MRTFA: variants seen among roughly 807,000 people sequenced by gnomAD.
MRTFA encodes the protein myocardin related transcription factor A.
A neutral mutation model predicts 83.5 loss-of-function variants in MRTFA; 20 were observed. The ratio of observed to expected loss-of-function variants is 0.24; its 90% CI spans 0.17 to 0.35. MRTFA has a LOEUF of 0.35. Ranked by LOEUF, MRTFA falls within the 10% of genes least tolerant of loss-of-function variation. The pLI is 1.00. For synonymous variants in MRTFA, 659 were observed against 541.2 expected, an observed-to-expected ratio of 1.22 and a Z score of -3.02; for missense variants, 1,200 against 1,224.7, an observed-to-expected ratio of 0.98 and a Z score of 0.30.
rs536440191 is a variant in MRTFA, at chr22:40,424,583, G to A, written c.602-202C>T. Among the ~76,000 whole-genome samples the A allele has an allele frequency of 1.4e-3, 207 of 152,350 alleles. 1 individual carries two copies. Among genetic ancestry groups the A allele is most frequent in the Admixed American group, 2.8e-3 (43 of 15,310 alleles). On this transcript the variant is annotated intron_variant, in intron 7 of 14. Coordinates refer to ENST00000355630, the MANE Select transcript of MRTFA (RefSeq NM_020831.6). ...GTCATCATAATGACCCTGCAAGAGA[G>A]GCCAGAAAGGCCTCCTAGGCTATCA... is the stretch of plus-strand genomic sequence containing the variant.
At chr22:40,469,802 G>C (rs1569283088) in intron 3 of MRTFA, among the ~76,000 whole-genome samples, 1 of 152,146 alleles carries the variant, frequency 6.6e-6, no homozygotes, top group Non-Finnish European at 1.5e-5. Flanking sequence ...AACAGGCCAG[G>C]CATGGTGGCT....
intron 1 of MRTFA, among the ~76,000 whole-genome samples, chr22:40,609,484 A>T (rs1030827166): frequency 1.0e-5 from 1 of 95,684 alleles, no homozygotes; most frequent in Admixed American, 1.1e-4. Flanking sequence ...CTCTTTAACA[A>T]AAAAAAAAAA....
intron 3 of MRTFA, among the ~76,000 whole-genome samples, chr22:40,541,759 C>T (rs1039343240): frequency 1.3e-5 from 2 of 150,072 alleles, no homozygotes; most frequent in African/African-American, 2.5e-5. Flanking sequence ...CTCCGCCTCC[C>T]GGGTTCAAGC....
chr22:40,461,687 T>A (rs2053716642), intron 4 of MRTFA, among the ~76,000 whole-genome samples: 1 of 148,872 alleles, frequency 6.7e-6, no homozygotes, highest in Non-Finnish European at 1.5e-5. Context: ...TAGTCCCAGC[T>A]ATTTGGGAGG....
intron 3 of MRTFA, among the ~76,000 whole-genome samples, chr22:40,470,913 C>A (rs1281342135): frequency 6.6e-6 from 1 of 151,922 alleles, no homozygotes. Context: ...TGTGCCACTG[C>A]ACTCCAGCCT....
At chr22:40,500,948 C>G (rs1398918589) in intron 3 of MRTFA, among the ~76,000 whole-genome samples, 1 of 145,248 alleles carries the variant, frequency 6.9e-6, no homozygotes, top group East Asian at 2.1e-4. Flanking sequence ...CAGAGGGGCT[C>G]CTCACTTCCC....
intron 2 of MRTFA, among the ~76,000 whole-genome samples, chr22:40,576,347 T>C (rs1023822909): frequency 1.3e-5 from 2 of 152,200 alleles, no homozygotes; most frequent in Non-Finnish European, 2.9e-5. Flanking sequence ...TGTAATTATT[T>C]TTAAGTTATT....
intron 2 of MRTFA, among the ~76,000 whole-genome samples, chr22:40,591,437 T>C (rs1309709026): frequency 1.3e-5 from 2 of 152,010 alleles, no homozygotes; most frequent in African/African-American, 4.8e-5. Context: ...AACTAATATA[T>C]AAAGAAGAGG....
chr22:40,607,174 T>A (rs1298888036), intron 1 of MRTFA, among the ~76,000 whole-genome samples: 1 of 152,138 alleles, frequency 6.6e-6, no homozygotes. Context: ...CCAGCCAGAA[T>A]GAGTTTGCAT....
intron 1 of MRTFA, among the ~76,000 whole-genome samples, chr22:40,603,935 T>A (rs931420223): frequency 2.6e-5 from 4 of 152,076 alleles, no homozygotes; most frequent in African/African-American, 9.6e-5. Flanking sequence ...TGAAACTGGG[T>A]GACAGGCCCA....
intron 3 of MRTFA, among the ~76,000 whole-genome samples, chr22:40,517,414 A>T (rs2054779778): frequency 6.6e-6 from 1 of 152,152 alleles, no homozygotes; most frequent in South Asian, 2.1e-4. Flanking sequence ...CAGCTAACAT[A>T]CAGGGTCCGA....
chr22:40,411,539 C>T lies in MRTFA; in HGVS notation c.2947G>A (p.Gly983Ser). 6.2e-7 allele frequency: 1 copy of T among 1,613,456 alleles called. No individual in the cohort carries two copies. The highest frequency in any genetic ancestry group is 8.5e-7 in the Non-Finnish European group (1 of 1,179,632). Residue 983 changes from glycine (G) to serine (S), a missense_variant, in exon 15 of 15, where the codon GGC (glycine) becomes AGC (serine). Transcript: ENST00000355630. ...AGCCAGTCCATGCTGTCCAGGTGGC[C>T]ATCAGCCAGGTCCAGGCCCATGGTG...
intron 2 of MRTFA, among the ~76,000 whole-genome samples, chr22:40,555,640 A>ATT (rs750134711): frequency 2.0e-4 from 29 of 143,754 alleles, no homozygotes; most frequent in Middle Eastern, 3.6e-3. Flanking sequence ...AGTAAGAATA[A>ATT]TTTTTTTTTT....
intron 3 of MRTFA, among the ~76,000 whole-genome samples, chr22:40,469,120 A>G (rs1193019092): frequency 6.6e-6 from 1 of 152,228 alleles, no homozygotes; most frequent in Non-Finnish European, 1.5e-5. Context: ...AAAAATCGCA[A>G]TCTACCTCAC....
chr22:40,535,749 A>G (rs1336012667), intron 3 of MRTFA, among the ~76,000 whole-genome samples: 1 of 152,190 alleles, frequency 6.6e-6, no homozygotes, highest in Non-Finnish European at 1.5e-5. Context: ...ATAAACTTTA[A>G]GATTCCTGCA....
chr22:40,581,726 T>C (rs565712024), intron 2 of MRTFA, among the ~76,000 whole-genome samples: 19 of 152,086 alleles, frequency 1.2e-4, no homozygotes, highest in African/African-American at 4.6e-4. Flanking sequence ...AATCCTACAA[T>C]AGGAAAAAAA....
At chr22:40,488,204 C>A (rs985311392) in intron 3 of MRTFA, among the ~76,000 whole-genome samples, 4 of 152,206 alleles carry the variant, frequency 2.6e-5, no homozygotes, top group Admixed American at 2.6e-4. Flanking sequence ...CCTTCATAAA[C>A]TAGAGATGAA....
chr22:40,411,222 A>G lies in MRTFA; in HGVS notation c.*168T>C. 1.4e-6 allele frequency: 1 copy of G among 691,798 alleles called. No homozygotes were observed. The highest frequency in any genetic ancestry group is 2.3e-6 in the Non-Finnish European group (1 of 439,072). The allele number at this position is 691,798 out of a possible 1,614,324, so 42.9% of individuals were successfully genotyped here. ...CTCTCCTCTGCCCTGCGTGGCACTG[A>G]ACCAGGAGTAAGGGCTTCTCTGTTC... On this transcript the variant is annotated 3_prime_UTR_variant, in exon 15 of 15. Transcript: ENST00000355630.
intron 4 of MRTFA, among the ~76,000 whole-genome samples, chr22:40,461,448 G>GT (rs2053710269): frequency 6.6e-6 from 1 of 151,648 alleles, no homozygotes; most frequent in Non-Finnish European, 1.5e-5. Flanking sequence ...AGCCCAGGAG[G>GT]TTGAGTTCAG....
Sources: gnomAD v4.1 joint callset for allele counts (sites outside exome capture counted in the v4.1 genomes callset) on GRCh38, gnomAD v4.1.1 for gene constraint, MANE v1.5 for transcripts, NCBI Gene and HGNC (gene_info 2026-07-23, HGNC 2026-07-21) for gene names.